SLC25A21: variants seen among roughly 807,000 people sequenced by gnomAD.
SLC25A21 encodes mitochondrial 2-oxodicarboxylate carrier.
SLC25A21 carries 47 observed loss-of-function variants against 43.8 expected under a neutral mutation model. The ratio of observed to expected loss-of-function variants is 1.07; its 90% CI spans 0.85 to 1.37. SLC25A21 has a LOEUF of 1.37. Among genes scored for constraint, SLC25A21 ranks in the 40% most tolerant of loss-of-function variants. SLC25A21 has a pLI of 0.00. For missense variants in SLC25A21, 352 were observed against 350.2 expected, an observed-to-expected ratio of 1.00 and a Z score of -0.04; for synonymous variants, 131 against 121.3, an observed-to-expected ratio of 1.08 and a Z score of -0.52.
chr14:36,813,871 T>G, intron 3 of SLC25A21, 47 bp downstream of exon 3: 2 of 1,323,946 alleles, frequency 1.5e-6, no homozygotes, highest in Non-Finnish European at 2.1e-6. Flanking sequence ...TGAGAAAACA[T>G]GTTAAGTAGA....
chr14:36,893,219 T>C (rs1460401594), intron 1 of SLC25A21, among the ~76,000 whole-genome samples: 1 of 152,204 alleles, frequency 6.6e-6, no homozygotes, highest in Non-Finnish European at 1.5e-5. Context: ...TGTTGTTTCC[T>C]GACTTTTTAA....
intron 1 of SLC25A21, chr14:36,952,320 A>G (rs1395676995): frequency 1.9e-5 from 3 of 154,018 alleles, no homozygotes; most frequent in African/African-American, 7.2e-5. Flanking sequence ...CAATGTAGAT[A>G]TTTAAGCAGG....
At chr14:36,716,123 C>G (rs1594517757) in intron 6 of SLC25A21, among the ~76,000 whole-genome samples, 2 of 151,564 alleles carry the variant, frequency 1.3e-5, no homozygotes, top group South Asian at 4.2e-4. Context: ...AATAAATAAG[C>G]AGATCCTAAG....
At chr14:37,064,362 C>G (rs187661695) in intron 1 of SLC25A21, among the ~76,000 whole-genome samples, 1 of 152,078 alleles carries the variant, frequency 6.6e-6, no homozygotes, top group Non-Finnish European at 1.5e-5. Context: ...GTTAGCCTAT[C>G]GTGGGACTTC....
At chr14:37,066,799 C>T (rs944426059) in intron 1 of SLC25A21, among the ~76,000 whole-genome samples, 8 of 151,924 alleles carry the variant, frequency 5.3e-5, no homozygotes, top group South Asian at 2.1e-4. Flanking sequence ...AAGATAAAGG[C>T]ATAAAATATT....
intron 1 of SLC25A21, among the ~76,000 whole-genome samples, chr14:37,036,562 T>C (rs1004892456): frequency 1.3e-5 from 2 of 152,220 alleles, no homozygotes; most frequent in Non-Finnish European, 2.9e-5. Context: ...CTGGTCAACA[T>C]AGGGAGGACC....
In SLC25A21 at chr14:36,690,659, G is replaced by A. The variant is rs555310164; in HGVS notation, c.604-5734C>T. On this transcript the variant is annotated intron_variant, in intron 7 of 9. Coordinates refer to ENST00000331299, the MANE Select transcript of SLC25A21 (RefSeq NM_030631.4). ...GAGGGGACTGGGAATGGGCATCTAA[G>A]CAGCTATTCTAGTTCAATGTGATTA... Among the ~76,000 whole-genome samples, 4 of 152,298 alleles carry A rather than the reference G, an allele frequency of 2.6e-5. No individual in the cohort carries two copies. In the East Asian group the frequency reaches 7.7e-4, roughly 29 times the overall value.
At chr14:37,158,821 T>A (rs969492323) in intron 1 of SLC25A21, among the ~76,000 whole-genome samples, 2 of 152,148 alleles carry the variant, frequency 1.3e-5, no homozygotes, top group Non-Finnish European at 2.9e-5. Flanking sequence ...TATAATCTTG[T>A]ATCTAGAAAA....
intron 3 of SLC25A21, among the ~76,000 whole-genome samples, chr14:36,784,057 T>A (rs187919906): frequency 1.5e-4 from 23 of 152,314 alleles, no homozygotes; most frequent in African/African-American, 5.3e-4. Flanking sequence ...GTTGAAAGTG[T>A]CTGTACCAAC....
intron 8 of SLC25A21, among the ~76,000 whole-genome samples, 161 bp from the exon 9 acceptor site, chr14:36,684,041 G>C (rs1566490760): frequency 6.6e-6 from 1 of 152,180 alleles, no homozygotes; most frequent in African/African-American, 2.4e-5. Context: ...CAGCAAACTG[G>C]ATGCGGGGAA....
chr14:37,077,307 T>C (rs941233904), intron 1 of SLC25A21, among the ~76,000 whole-genome samples: 1 of 152,172 alleles, frequency 6.6e-6, no homozygotes, highest in Non-Finnish European at 1.5e-5. Flanking sequence ...AACAGGAAAA[T>C]AATGTCTTGA....
intron 3 of SLC25A21, among the ~76,000 whole-genome samples, chr14:36,760,073 T>C (rs1275497361): frequency 6.6e-6 from 1 of 152,156 alleles, no homozygotes; most frequent in African/African-American, 2.4e-5. Context: ...GCTTTCTCTC[T>C]GGTTAAGTGA....
intron 1 of SLC25A21, among the ~76,000 whole-genome samples, chr14:37,132,265 C>T (rs756186855): frequency 2.0e-5 from 3 of 152,196 alleles, no homozygotes; most frequent in Admixed American, 6.5e-5. Flanking sequence ...ACGTTTCGCA[C>T]ATAGGAACTC....
At chr14:36,900,381 T>G (rs1891365933) in intron 1 of SLC25A21, among the ~76,000 whole-genome samples, 1 of 152,098 alleles carries the variant, frequency 6.6e-6, no homozygotes, top group Non-Finnish European at 1.5e-5. Flanking sequence ...ATCGAGAAGG[T>G]CAGAGCTTTA....
At chr14:36,802,084 A>C (rs1323130595) in intron 3 of SLC25A21, among the ~76,000 whole-genome samples, 1 of 152,202 alleles carries the variant, frequency 6.6e-6, no homozygotes, top group African/African-American at 2.4e-5. Context: ...GATTGTTATA[A>C]AGATGTTACC....
chr14:36,884,713 T>TA (rs1343585570), intron 1 of SLC25A21, among the ~76,000 whole-genome samples: 1 of 152,222 alleles, frequency 6.6e-6, no homozygotes, highest in Non-Finnish European at 1.5e-5. Flanking sequence ...TTAATTTGCA[T>TA]TTCTCTGATG....
intron 1 of SLC25A21, among the ~76,000 whole-genome samples, chr14:37,014,716 T>C (rs1291418331): frequency 1.9e-4 from 29 of 152,144 alleles, no homozygotes; most frequent in Admixed American, 1.8e-3. Flanking sequence ...TCACTATCTA[T>C]GGGAGCTATA....
intron 7 of SLC25A21, among the ~76,000 whole-genome samples, chr14:36,702,325 G>A (rs1291501507): frequency 6.6e-6 from 1 of 151,580 alleles, no homozygotes; most frequent in African/African-American, 2.4e-5. Context: ...TTCAGCCCAA[G>A]CCCAAACATT....
At chr14:37,045,595 C>T (rs975798843) in intron 1 of SLC25A21, among the ~76,000 whole-genome samples, 4 of 152,224 alleles carry the variant, frequency 2.6e-5, no homozygotes, top group Admixed American at 2.0e-4. Flanking sequence ...CAAGCAGTTT[C>T]CACCCCAGGG....
Sources: gnomAD v4.1 joint callset for allele counts (sites outside exome capture counted in the v4.1 genomes callset) on GRCh38, gnomAD v4.1.1 for gene constraint, MANE v1.5 for transcripts, NCBI Gene and HGNC (gene_info 2026-07-23, HGNC 2026-07-21) for gene names.